FBP1: variants seen among roughly 807,000 people sequenced by gnomAD.
FBP1 encodes fructose-bisphosphatase 1, also known as fructose-1,6-bisphosphatase 1.
Under a neutral mutation model 29.9 loss-of-function variants are expected in FBP1, and 22 were observed. The observed-to-expected ratio is 0.74, with a 90% CI of 0.53 to 1.05. FBP1 has a LOEUF of 1.05. FBP1 is among the 50% of genes least tolerant of loss of function. FBP1 has a pLI of 0.00. For missense variants in FBP1, 345 were observed against 448.2 expected, an observed-to-expected ratio of 0.77 and a Z score of 2.08; for synonymous variants, 175 against 178.6, an observed-to-expected ratio of 0.98 and a Z score of 0.16.
intron 1 of FBP1, among the ~76,000 whole-genome samples, chr9:94,623,487 A>T (rs1827977329): frequency 6.6e-6 from 1 of 152,186 alleles, no homozygotes; most frequent in Non-Finnish European, 1.5e-5. Context: ...GATGACATAC[A>T]CAAAAGGCCT....
intron 3 of FBP1, among the ~76,000 whole-genome samples, chr9:94,611,554 A>C (rs1012459778): frequency 5.9e-5 from 9 of 152,214 alleles, no homozygotes; most frequent in Admixed American, 4.6e-4. Context: ...GGAGTTTGAG[A>C]CCAGTTTGTG....
chr9:94,616,417 C>A (rs947281839), intron 3 of FBP1, among the ~76,000 whole-genome samples: 1 of 81,342 alleles, frequency 1.2e-5, no homozygotes, highest in Non-Finnish European at 2.6e-5. Flanking sequence ...ATTTGTACCC[C>A]CCAAAGCTGT....
At chr9:94,614,306 C>T (rs1455944457) in intron 3 of FBP1, among the ~76,000 whole-genome samples, 4 of 151,194 alleles carry the variant, frequency 2.6e-5, no homozygotes, top group South Asian at 2.1e-4. Flanking sequence ...TTTGGGAGGC[C>T]GAGGTGGGCG....
At chr9:94,608,805 G>A (rs940037855) in intron 4 of FBP1, among the ~76,000 whole-genome samples, 6 of 152,072 alleles carry the variant, frequency 3.9e-5, no homozygotes, top group East Asian at 1.9e-4. Flanking sequence ...AGCCTATCTC[G>A]CACAGAAGGT....
At position 94,603,228 on chromosome 9, in the gene FBP1, T is replaced by C; in HGVS notation, c.*153A>G. 1.4e-6 allele frequency: 1 copy of C among 706,112 alleles called. No individual in the cohort carries two copies. Among genetic ancestry groups the C allele is most frequent in the East Asian group, 2.7e-5 (1 of 36,852 alleles). 43.7% of individuals were successfully genotyped at this position (706,112 alleles called of 1,614,324 possible). On this transcript the variant is annotated 3_prime_UTR_variant, in exon 7 of 7. Transcript: ENST00000375326. ...ATGGAGACAGCATTTGGTTAGGGAG[T>C]GCCAAGCATTCTACAGCATTTGATG...
intron 3 of FBP1, among the ~76,000 whole-genome samples, chr9:94,616,729 G>A (rs1441288385): frequency 6.6e-6 from 1 of 152,092 alleles, no homozygotes; most frequent in East Asian, 1.9e-4. Flanking sequence ...ACCGCATCCG[G>A]CCTAAAATAT....
intron 1 of FBP1, among the ~76,000 whole-genome samples, chr9:94,635,507 A>G (rs1828178808): frequency 6.6e-6 from 1 of 152,246 alleles, no homozygotes; most frequent in African/African-American, 2.4e-5. Flanking sequence ...CTCTGGGTAC[A>G]TGCTCTTCTA....
chr9:94,621,398 A>AAAAAAAAAAAATATAT lies in FBP1; in HGVS notation c.171-908_171-907insATATATTTTTTTTTTT, dbSNP rs58726402. Among the ~76,000 whole-genome samples the AAAAAAAAAAAATATAT allele has an allele frequency of 3.9e-4, 57 of 146,230 alleles. 2 individuals carry two copies. Among genetic ancestry groups the AAAAAAAAAAAATATAT allele is most frequent in the African/African-American group, 1.4e-3 (55 of 37,982 alleles). Reference sequence around the variant, plus strand: ...GCGACAGAGCAAGATTCCGTCTAAAAATATATATATTTTTAGAAGAAAGGA... The same window carrying AAAAAAAAAAAATATAT: ...GCGACAGAGCAAGATTCCGTCTAAAAAAAAAAAAAAATATATATATATATATTTTTAGAAGAAAGGA... On this transcript the variant is annotated intron_variant, in intron 1 of 6. Transcript: ENST00000375326.
intron 1 of FBP1, among the ~76,000 whole-genome samples, chr9:94,621,598 T>A (rs1411131497): frequency 6.6e-6 from 1 of 152,190 alleles, no homozygotes; most frequent in Non-Finnish European, 1.5e-5. Flanking sequence ...GGGAGCTTTT[T>A]AGAACATTTT....
chr9:94,629,792 A>C (rs1409746745), intron 1 of FBP1, among the ~76,000 whole-genome samples: 3 of 152,000 alleles, frequency 2.0e-5, no homozygotes, highest in African/African-American at 7.3e-5. Flanking sequence ...ACTGGGAGGG[A>C]GGGCACAGAC....
chr9:94,610,910 C>A (rs946754033), intron 3 of FBP1, among the ~76,000 whole-genome samples: 4 of 150,442 alleles, frequency 2.7e-5, no homozygotes, highest in African/African-American at 9.8e-5. Context: ...GTCGCCCAGG[C>A]TGGAGTGCAG....
At position 94,612,589 on chromosome 9, in the gene FBP1, G is replaced by T. The variant is rs1032120595; in HGVS notation, c.427-2528C>A. Among the ~76,000 whole-genome samples the T allele has an allele frequency of 1.3e-4, 15 of 115,646 alleles. No homozygotes were observed. In the South Asian group the frequency reaches 3.0e-3, roughly 23 times the overall value. 75.9% of individuals were successfully genotyped at this position (115,646 alleles called of 152,430 possible). On this transcript the variant is annotated intron_variant, in intron 3 of 6. Coordinates refer to ENST00000375326, the MANE Select transcript of FBP1 (RefSeq NM_000507.4). ...TTTTTTTTTTTGGAGACAGAGTCTT[G>T]CTCTATCGCCAGGCTGGAGTGCAGT...
intron 6 of FBP1, 71 bp from the exon 7 acceptor site, chr9:94,603,643 G>T: frequency 1.5e-6 from 2 of 1,336,282 alleles, no homozygotes; most frequent in Non-Finnish European, 2.2e-6. Flanking sequence ...CTTTTCTGCA[G>T]CAAAACATGC....
intron 1 of FBP1, among the ~76,000 whole-genome samples, chr9:94,626,462 C>T (rs556126002): frequency 6.6e-6 from 1 of 152,316 alleles, no homozygotes; most frequent in African/African-American, 2.4e-5. Context: ...GCTGGCCACA[C>T]CGTGCTGGTC....
chr9:94,610,226 C>T (rs1004750130), intron 3 of FBP1, among the ~76,000 whole-genome samples, 165 bp from the exon 4 acceptor site: 1 of 152,194 alleles, frequency 6.6e-6, no homozygotes, highest in Admixed American at 6.5e-5. Flanking sequence ...ATTAGATTAT[C>T]ACGGCAGCCT....
At chr9:94,632,412 G>C (rs1219593815) in intron 1 of FBP1, among the ~76,000 whole-genome samples, 1 of 152,194 alleles carries the variant, frequency 6.6e-6, no homozygotes, top group Non-Finnish European at 1.5e-5. Flanking sequence ...GCTCACACTT[G>C]TAAGCCCAGC....
Position 94,627,435 on chromosome 9 carries a change from A to G in FBP1, c.171-6944T>C, listed in dbSNP as rs115598930. 9.7e-3 allele frequency among the ~76,000 whole-genome samples: 1,476 copies of G among 152,308 alleles called. 26 individuals are homozygous for G. Among genetic ancestry groups the G allele is most frequent in the African/African-American group, 0.034 (1,417 of 41,556 alleles). ...CCTGAATGGCCCTGAAGGATAGATT[A>G]ACAAGAGCATTCACTCTATATTCCA... On this transcript the variant is annotated intron_variant, in intron 1 of 6. Coordinates refer to ENST00000375326, the MANE Select transcript of FBP1 (RefSeq NM_000507.4).
In FBP1 at chr9:94,617,769, T is replaced by C; in HGVS notation, c.425A>G (p.Lys142Arg). Reference sequence around the variant, plus strand: ...AGTGCTTAAGATATCACGTTTTACCTTTCTATAGATGCCAAAAATGGTTCC... The same window carrying C: ...AGTGCTTAAGATATCACGTTTTACCCTTCTATAGATGCCAAAAATGGTTCC... Reference protein sequence around the residue: ...SVGTIFGIYRKKSTDEPSEKD... With the variant: ...SVGTIFGIYRRKSTDEPSEKD... Residue 142 changes from lysine (K) to arginine (R), a missense_variant and splice_region_variant, in exon 3 of 7, where the codon AAG becomes AGG. Lys to Arg is a conservative substitution (Grantham distance 26). Coordinates refer to ENST00000375326, the MANE Select transcript of FBP1 (RefSeq NM_000507.4). 1.9e-6 allele frequency: 3 copies of C among 1,607,766 alleles called. No homozygotes were observed. Among genetic ancestry groups the C allele is most frequent in the Non-Finnish European group, 2.6e-6 (3 of 1,174,284 alleles).
intron 1 of FBP1, among the ~76,000 whole-genome samples, chr9:94,634,386 CTG>C (rs1053762151): frequency 2.0e-5 from 3 of 152,074 alleles, no homozygotes; most frequent in African/African-American, 4.8e-5. Context: ...AGAGTAAACT[CTG>C]TGTTGTTCTC....
Sources: gnomAD v4.1 joint callset for allele counts (sites outside exome capture counted in the v4.1 genomes callset) on GRCh38, gnomAD v4.1.1 for gene constraint, MANE v1.5 for transcripts, NCBI Gene and HGNC (gene_info 2026-07-23, HGNC 2026-07-21) for gene names.